Variants in ARHGAP28 observed in about 807,000 individuals in gnomAD.
The protein encoded by ARHGAP28 is Rho GTPase activating protein 28, also known as rho GTPase-activating protein 28.
In ARHGAP28, 56 loss-of-function variants were observed where a neutral mutation model predicts 90.7. That is an observed-to-expected ratio of 0.62 (90% CI 0.50 to 0.77). The LOEUF (loss-of-function observed/expected upper bound fraction) is 0.77, where lower values mean the gene tolerates loss of function less well. ARHGAP28 is among the 30% of genes least tolerant of loss of function. The pLI is 0.00. For missense variants in ARHGAP28, 869 were observed against 900.9 expected (o/e 0.96, Z 0.45); for synonymous variants, 308 against 323.3 (o/e 0.95, Z 0.51).
chr18:6,736,198 A>G (rs902656479), intron 1 of ARHGAP28, among the ~76,000 whole-genome samples: 2 of 152,112 alleles, frequency 1.3e-5, no homozygotes, highest in African/African-American at 4.8e-5. Flanking sequence ...CATTTTACAT[A>G]CTATGAAATA....
At position 6,814,281 on chromosome 18, in the gene ARHGAP28, G is replaced by A. The variant is rs186252481; in HGVS notation, c.123-10481G>A. Among the ~76,000 whole-genome samples, 7 of 152,280 alleles carry A rather than the reference G, an allele frequency of 4.6e-5. No homozygotes were observed. The East Asian group carries it at 1.4e-3, about 30-fold the overall frequency. ...AGCCAGTCCCACTCAGGGAAAGCCT[G>A]TGAAGCTGGACCAAGCTCTGTAAAG... On this transcript the variant is annotated intron_variant, in intron 1 of 17. Coordinates refer to ENST00000383472, the MANE Select transcript of ARHGAP28 (RefSeq NM_001366230.1).
intron 3 of ARHGAP28, chr18:6,850,832 C>A (rs1222649735): frequency 2.0e-6 from 3 of 1,522,674 alleles, no homozygotes; most frequent in Non-Finnish European, 2.6e-6. Flanking sequence ...AATTCTGTTA[C>A]AGTACATGGC....
At chr18:6,895,945 CAATT>C (rs1217197246) in intron 15 of ARHGAP28, among the ~76,000 whole-genome samples, 1 of 152,070 alleles carries the variant, frequency 6.6e-6, no homozygotes, top group African/African-American at 2.4e-5. Context: ...AGATTTAAAA[CAATT>C]AAGAAACACT....
intron 16 of ARHGAP28, among the ~76,000 whole-genome samples, chr18:6,906,963 T>C (rs2057367814): frequency 6.6e-6 from 1 of 152,090 alleles, no homozygotes. Flanking sequence ...AATTTGAAAG[T>C]GGGCAAAAGA....
intron 1 of ARHGAP28, among the ~76,000 whole-genome samples, chr18:6,748,320 T>C (rs2056041679): frequency 6.6e-6 from 1 of 152,226 alleles, no homozygotes; most frequent in Admixed American, 6.5e-5. Context: ...CTATATTGTA[T>C]ACCTGGAGAG....
chr18:6,850,464 A>G (rs2056900970), intron 3 of ARHGAP28, among the ~76,000 whole-genome samples: 1 of 152,236 alleles, frequency 6.6e-6, no homozygotes, highest in Non-Finnish European at 1.5e-5. Flanking sequence ...GGAGAAAGGC[A>G]AAGGCTGGTA....
chr18:6,829,421 C>T (rs2056698791), intron 2 of ARHGAP28, among the ~76,000 whole-genome samples: 1 of 152,204 alleles, frequency 6.6e-6, no homozygotes, highest in African/African-American at 2.4e-5. Flanking sequence ...TTGCTCAAAC[C>T]TAGAATACAC....
intron 4 of ARHGAP28, among the ~76,000 whole-genome samples, chr18:6,853,065 C>T (rs1051225710): frequency 6.6e-6 from 1 of 152,084 alleles, no homozygotes; most frequent in African/African-American, 2.4e-5. Flanking sequence ...TACTTCAGTC[C>T]CTGTTCCTCA....
At position 6,887,208 on chromosome 18, in the gene ARHGAP28, C is replaced by T. The variant is rs774266585; in HGVS notation, c.1505C>T (p.Ala502Val). 8 of 1,614,106 alleles carry T rather than the reference C, an allele frequency of 5.0e-6. No individual in the cohort carries two copies. The Admixed American group carries it at 1.2e-4, about 24-fold the overall frequency. The change falls in exon 12 of 18, where the codon GCG becomes GTG. Residue 502 changes from alanine (A) to valine (V), a missense_variant. Ala to Val is a moderately conservative substitution (Grantham distance 64). Transcript: ENST00000383472. ...QFQALHLMVM[A>V]LPDANRDAAQ... ...CAAGCCTTACACCTCATGGTCATGG[C>T]GCTGCCTGATGCCAACAGAGATGCA...
At chr18:6,751,926 A>G (rs59777867) in intron 1 of ARHGAP28, among the ~76,000 whole-genome samples, 2,942 of 152,312 alleles carry the variant, frequency 0.019, 104 homozygotes, top group East Asian at 0.11. Context: ...AAGAAATAGC[A>G]AAGTACCTTC....
intron 16 of ARHGAP28, chr18:6,897,566 T>C (rs1182734121): frequency 6.6e-6 from 1 of 152,230 alleles, no homozygotes; most frequent in Non-Finnish European, 1.5e-5. Flanking sequence ...GTAGAGCATG[T>C]ATGATTTGCT....
chr18:6,738,233 A>G (rs1197696483), intron 1 of ARHGAP28, among the ~76,000 whole-genome samples: 1 of 152,186 alleles, frequency 6.6e-6, no homozygotes, highest in African/African-American at 2.4e-5. Context: ...TTTATGTACC[A>G]AAGATAAATC....
chr18:6,849,996 T>C (rs1310922509), intron 3 of ARHGAP28, among the ~76,000 whole-genome samples: 1 of 152,130 alleles, frequency 6.6e-6, no homozygotes, highest in Non-Finnish European at 1.5e-5. Context: ...TTGTCACTTA[T>C]TTTCCGTATA....
At chr18:6,742,470 A>G (rs887905442) in intron 1 of ARHGAP28, among the ~76,000 whole-genome samples, 3 of 152,220 alleles carry the variant, frequency 2.0e-5, no homozygotes, top group African/African-American at 2.4e-5. Flanking sequence ...GTGCCCGGCC[A>G]TGACTTGGTT....
intron 3 of ARHGAP28, among the ~76,000 whole-genome samples, chr18:6,845,294 G>T (rs1383243857): frequency 2.6e-5 from 4 of 152,088 alleles, no homozygotes; most frequent in East Asian, 1.9e-4. Context: ...GCCCAGGCTG[G>T]TCTCAGACTC....
intron 1 of ARHGAP28, among the ~76,000 whole-genome samples, chr18:6,815,175 A>G (rs1363832370): frequency 6.6e-6 from 1 of 152,208 alleles, no homozygotes; most frequent in East Asian, 1.9e-4. Flanking sequence ...ATAACATAAA[A>G]CGTTCACATT....
At chr18:6,748,322 C>T (rs775673424) in intron 1 of ARHGAP28, among the ~76,000 whole-genome samples, 2 of 152,154 alleles carry the variant, frequency 1.3e-5, no homozygotes, top group African/African-American at 4.8e-5. Flanking sequence ...ATATTGTATA[C>T]CTGGAGAGAG....
intron 1 of ARHGAP28, among the ~76,000 whole-genome samples, chr18:6,817,335 A>AC (rs200744189): frequency 0.017 from 2,530 of 151,724 alleles, 50 homozygotes; most frequent in Non-Finnish European, 0.023. Flanking sequence ...AAACAAACAA[A>AC]AAAAAAACAA....
rs9962332 is a variant in ARHGAP28, at chr18:6,779,953, C to G, written c.123-44809C>G. On this transcript the variant is annotated intron_variant, in intron 1 of 17. Transcript: ENST00000383472. ...CTTACATAAGAATGATCCCTATGAA[C>G]TAGAACAGTTAAGGGAACTTCATGG... Among the ~76,000 whole-genome samples the G allele has an allele frequency of 3.4e-3, 524 of 152,300 alleles. 3 individuals carry two copies. Among genetic ancestry groups the G allele is most frequent in the African/African-American group, 0.012 (499 of 41,566 alleles).
Sources: allele counts gnomAD v4.1 joint callset (sites outside exome capture counted in the v4.1 genomes callset), GRCh38; gene constraint gnomAD v4.1.1; transcripts MANE v1.5; gene names NCBI Gene and HGNC (gene_info 2026-07-23, HGNC 2026-07-21).